The following DCAF5 variants were observed in gnomAD, a reference collection of about 807,000 sequenced individuals.
DCAF5 encodes the protein DDB1- and CUL4-associated factor 5.
Under a neutral mutation model 80.7 loss-of-function variants are expected in DCAF5, and 9 were observed. That is an observed-to-expected ratio of 0.11 (90% CI 0.07 to 0.19). The LOEUF (loss-of-function observed/expected upper bound fraction) is 0.19. DCAF5 is among the 10% of genes least tolerant of loss of function. The probability of loss-of-function intolerance (pLI) is 1.00; values close to 1 mark genes in which losing one functional copy is unlikely to be tolerated. For missense variants in DCAF5, 842 were observed against 1,205.7 expected, an observed-to-expected ratio of 0.70 and a Z score of 4.47; for synonymous variants, 433 against 461.9, an observed-to-expected ratio of 0.94 and a Z score of 0.80.
chr14:69,064,484 G>C (rs1022989696), intron 7 of DCAF5, among the ~76,000 whole-genome samples: 3 of 152,194 alleles, frequency 2.0e-5, no homozygotes, highest in African/African-American at 7.2e-5. Flanking sequence ...GAAAATGGCA[G>C]AGCCAAGATT....
At chr14:69,111,444 G>A (rs903178012) in intron 5 of DCAF5, among the ~76,000 whole-genome samples, 13 of 152,012 alleles carry the variant, frequency 8.6e-5, no homozygotes, top group African/African-American at 3.1e-4. Flanking sequence ...TTATTGAGTG[G>A]GGAAAAAACC....
intron 1 of DCAF5, among the ~76,000 whole-genome samples, chr14:69,144,638 A>G (rs1045671014): frequency 6.6e-6 from 1 of 152,234 alleles, no homozygotes; most frequent in Non-Finnish European, 1.5e-5. Context: ...GAGTAAATAA[A>G]CATACTTAAG....
At chr14:69,061,686 T>C (rs372626758) in intron 8 of DCAF5, among the ~76,000 whole-genome samples, 15 of 152,356 alleles carry the variant, frequency 9.8e-5, no homozygotes, top group African/African-American at 3.4e-4. Context: ...GGATGGCAAT[T>C]AATGCAAAGT....
At position 69,052,731 on chromosome 14, in the gene DCAF5, T is replaced by G. The variant is rs1404665582; in HGVS notation, c.*1126A>C. On this transcript the variant is annotated 3_prime_UTR_variant, in exon 9 of 9. Coordinates refer to ENST00000341516, the MANE Select transcript of DCAF5 (RefSeq NM_003861.3). ...TCCTAATAGACCTACTCAATAAGAA[T>G]CTGTTACCTTGAGATGCCTACTGCT... 1 of 152,158 alleles carries G rather than the reference T, an allele frequency of 6.6e-6. No homozygotes were observed. The highest frequency in any genetic ancestry group is 2.4e-5 in the African/African-American group (1 of 41,432). The allele number at this position is 152,158 out of a possible 1,614,324, so 9.4% of individuals were successfully genotyped here.
At chr14:69,070,755 T>C (rs1381052649) in intron 7 of DCAF5, among the ~76,000 whole-genome samples, 2 of 152,100 alleles carry the variant, frequency 1.3e-5, no homozygotes, top group Admixed American at 1.3e-4. Flanking sequence ...AAATTCCCAG[T>C]TCTAGTTCTA....
intron 1 of DCAF5, among the ~76,000 whole-genome samples, chr14:69,134,260 G>T (rs1230052726): frequency 6.6e-6 from 1 of 152,148 alleles, no homozygotes; most frequent in African/African-American, 2.4e-5. Flanking sequence ...ATTTTAGACA[G>T]TAGAGAAATG....
At position 69,152,670 on chromosome 14, in the gene DCAF5, G is replaced by T; in HGVS notation, c.214+95C>A. ...AGGGGGTAGAGAAAGGGAGGGGGTGGGGACAGAGGGCAGGAGGAGGGTGAC... is the reference window on the plus strand; with the variant it reads ...AGGGGGTAGAGAAAGGGAGGGGGTGTGGACAGAGGGCAGGAGGAGGGTGAC... On this transcript the variant is annotated intron_variant, in intron 1 of 8. Coordinates refer to ENST00000341516, the MANE Select transcript of DCAF5 (RefSeq NM_003861.3). This position sits in a 1 kb window ranked among gnomAD's most constrained non-coding sequence, Gnocchi z 4.1. 1 of 888,844 alleles carries T rather than the reference G, an allele frequency of 1.1e-6. No homozygotes were observed. Among genetic ancestry groups the T allele is most frequent in the Non-Finnish European group, 1.7e-6 (1 of 580,462 alleles). The allele number at this position is 888,844 out of a possible 1,614,324, so 55.1% of individuals were successfully genotyped here.
At chr14:69,095,205 A>G (rs140836273) in intron 5 of DCAF5, among the ~76,000 whole-genome samples, 222 of 152,328 alleles carry the variant, frequency 1.5e-3, no homozygotes, top group Admixed American at 2.6e-3. Flanking sequence ...CTTGCTTTCT[A>G]GACACTTATC....
intron 6 of DCAF5, chr14:69,089,748 T>C (rs1232448125): frequency 1.5e-5 from 3 of 196,304 alleles, no homozygotes; most frequent in Non-Finnish European, 2.8e-5. Flanking sequence ...GGGGCAATTT[T>C]CCCCCCAGGG....
At chr14:69,122,156 C>CA (rs2040742746) in intron 2 of DCAF5, 61 bp downstream of exon 2, 2 of 1,570,556 alleles carry the variant, frequency 1.3e-6, no homozygotes, top group Admixed American at 3.5e-5. Context: ...GTTATTTTCG[C>CA]ACTCTTTTCT....
intron 7 of DCAF5, among the ~76,000 whole-genome samples, chr14:69,067,610 G>A (rs891164545): frequency 6.6e-6 from 1 of 151,732 alleles, no homozygotes; most frequent in African/African-American, 2.4e-5. Flanking sequence ...CCCCGGAAGT[G>A]CTGGGATTAC....
At chr14:69,136,088 C>T (rs1378460274) in intron 1 of DCAF5, among the ~76,000 whole-genome samples, 2 of 147,054 alleles carry the variant, frequency 1.4e-5, no homozygotes, top group African/African-American at 5.0e-5. Context: ...ATGCTCTTCC[C>T]TTTTATAAAA....
chr14:69,055,722 T>A lies in DCAF5; in HGVS notation c.1075-111A>T. ...ACTTCCCCAGACTCTCCCTGTAATT[T>A]AACTAGGACTTGCTAACCAACTTAA... On this transcript the variant is annotated intron_variant, in intron 8 of 8. Coordinates refer to ENST00000341516, the MANE Select transcript of DCAF5 (RefSeq NM_003861.3). The surrounding 1 kb of genome is among the most constrained non-coding windows in gnomAD (Gnocchi z 5.6). 9.0e-7 allele frequency: 1 copy of A among 1,109,534 alleles called. No individual in the cohort carries two copies. The highest frequency in any genetic ancestry group is 1.3e-6 in the Non-Finnish European group (1 of 773,472). The allele number at this position is 1,109,534 out of a possible 1,614,324, so 68.7% of individuals were successfully genotyped here.
At chr14:69,065,674 G>A (rs12894822) in intron 7 of DCAF5, among the ~76,000 whole-genome samples, 35,416 of 152,114 alleles carry the variant, frequency 0.23, 6,002 homozygotes, top group East Asian at 0.82. Context: ...AACAGTTTAC[G>A]TACAATCATT....
chr14:69,064,623 C>T (rs1325096034), intron 7 of DCAF5, among the ~76,000 whole-genome samples: 1 of 152,198 alleles, frequency 6.6e-6, no homozygotes, highest in Non-Finnish European at 1.5e-5. Context: ...CTAAATCTTT[C>T]AGGCAGTTAT....
intron 1 of DCAF5, among the ~76,000 whole-genome samples, chr14:69,125,370 T>C (rs2040842685): frequency 6.6e-6 from 1 of 152,236 alleles, no homozygotes; most frequent in Non-Finnish European, 1.5e-5. Flanking sequence ...CCTGAATTTA[T>C]AAGAATTCTT....
chr14:69,061,505 A>ACT (rs2038214430), intron 8 of DCAF5, among the ~76,000 whole-genome samples: 1 of 152,204 alleles, frequency 6.6e-6, no homozygotes, highest in Non-Finnish European at 1.5e-5. Flanking sequence ...CAGTTATAAA[A>ACT]ACATTTCCTG....
Position 69,141,139 on chromosome 14 carries a change from T to TAAAAAAA in DCAF5, c.214+11619_214+11625dup, listed in dbSNP as rs11396838. ...ACAGAGCGAGACTCCATCTCAAATT[T>TAAAAAAA]AAAAAAAAAAAAAAAAAAAAAAAAA... is the stretch of plus-strand genomic sequence containing the variant. On this transcript the variant is annotated intron_variant, in intron 1 of 8. Coordinates refer to ENST00000341516, the MANE Select transcript of DCAF5 (RefSeq NM_003861.3). Among the ~76,000 whole-genome samples the TAAAAAAA allele has an allele frequency of 6.7e-4, 40 of 59,424 alleles. 1 individual carries two copies. The highest frequency in any genetic ancestry group is 2.0e-3 in the African/African-American group (37 of 18,508). The allele number at this position is 59,424 out of a possible 152,430, so 39.0% of individuals were successfully genotyped here.
intron 7 of DCAF5, among the ~76,000 whole-genome samples, chr14:69,074,623 T>A (rs1015734400): frequency 6.6e-6 from 1 of 152,188 alleles, no homozygotes; most frequent in Non-Finnish European, 1.5e-5. Context: ...CTCCCTTTAG[T>A]TAACATGACC....
Sources: allele counts gnomAD v4.1 joint callset (sites outside exome capture counted in the v4.1 genomes callset), GRCh38; gene constraint gnomAD v4.1.1; non-coding constraint Gnocchi (gnomAD v3.1); transcripts MANE v1.5; gene names NCBI Gene and HGNC (gene_info 2026-07-23, HGNC 2026-07-21).